CNOT10: variants seen among roughly 807,000 people sequenced by gnomAD.
The protein encoded by CNOT10 is CCR4-NOT transcription complex subunit 10, also known as CCR4-NOT transcription complex, subunit 10.
Under a neutral mutation model 94.6 loss-of-function variants are expected in CNOT10, and 30 were observed. That is an observed-to-expected ratio of 0.32 (90% CI 0.24 to 0.43). The LOEUF is 0.43. Among genes scored for constraint, CNOT10 ranks in the 20% least tolerant of loss-of-function variants. CNOT10 has a pLI of 1.00. For missense variants in CNOT10, 759 were observed against 877.2 expected (o/e 0.87, Z 1.70); for synonymous variants, 289 against 301.6 (o/e 0.96, Z 0.43).
At chr3:32,762,700 C>T in intron 14 of CNOT10, 33 bp from the exon 15 acceptor site, 1 of 1,574,544 alleles carries the variant, frequency 6.4e-7, no homozygotes, top group Non-Finnish European at 8.6e-7. Context: ...TGACGTTGTA[C>T]TTTTCAGTTT....
chr3:32,700,296 T>C (rs1334547510), intron 1 of CNOT10, among the ~76,000 whole-genome samples: 1 of 152,112 alleles, frequency 6.6e-6, no homozygotes, highest in Non-Finnish European at 1.5e-5. Context: ...TATAGAAGCA[T>C]GTTTGGAGTT....
At chr3:32,721,816 T>A (rs1011228173) in intron 8 of CNOT10, among the ~76,000 whole-genome samples, 6 of 150,974 alleles carry the variant, frequency 4.0e-5, no homozygotes, top group African/African-American at 1.5e-4. Flanking sequence ...CCGGCTAATT[T>A]TTTGTATTTT....
chr3:32,735,768 T>C (rs530261859), intron 12 of CNOT10, among the ~76,000 whole-genome samples: 57 of 152,298 alleles, frequency 3.7e-4, no homozygotes, highest in African/African-American at 1.3e-3. Context: ...TTATTTCTTA[T>C]TATCCTCTGT....
chr3:32,689,250 G>A (rs1354521546), intron 1 of CNOT10, among the ~76,000 whole-genome samples: 2 of 151,948 alleles, frequency 1.3e-5, no homozygotes, highest in Non-Finnish European at 2.9e-5. Context: ...CTACTCGGGA[G>A]GCTGAAGCAA....
chr3:32,757,339 C>G (rs898697990), intron 13 of CNOT10, among the ~76,000 whole-genome samples: 2 of 151,724 alleles, frequency 1.3e-5, no homozygotes, highest in Non-Finnish European at 2.9e-5. Context: ...GCCACCACAC[C>G]CAGCCAATTT....
At chr3:32,690,934 C>A (rs1434523378) in intron 1 of CNOT10, among the ~76,000 whole-genome samples, 1 of 151,832 alleles carries the variant, frequency 6.6e-6, no homozygotes, top group African/African-American at 2.4e-5. Context: ...ATATATCTAC[C>A]CCCTAGTTCA....
intron 10 of CNOT10, 85 bp downstream of exon 10, chr3:32,727,955 G>A: frequency 7.6e-5 from 66 of 866,030 alleles, no homozygotes; most frequent in Non-Finnish European, 1.1e-4. Context: ...AAAAACCTTG[G>A]AAACATACAT....
intron 13 of CNOT10, among the ~76,000 whole-genome samples, chr3:32,738,124 A>C (rs189492424): frequency 1.3e-5 from 2 of 152,270 alleles, no homozygotes; most frequent in Non-Finnish European, 2.9e-5. Flanking sequence ...GAGTCTGTGT[A>C]AGATAGGTAT....
At chr3:32,691,454 G>T (rs950734554) in intron 1 of CNOT10, among the ~76,000 whole-genome samples, 1 of 151,910 alleles carries the variant, frequency 6.6e-6, no homozygotes, top group Non-Finnish European at 1.5e-5. Context: ...GAGCCACTGT[G>T]CCTGGCCATG....
intron 10 of CNOT10, among the ~76,000 whole-genome samples, chr3:32,732,434 G>A (rs902197131): frequency 6.6e-6 from 1 of 151,610 alleles, no homozygotes; most frequent in Non-Finnish European, 1.5e-5. Flanking sequence ...AGAAAAATTA[G>A]CCAGTCATGG....
chr3:32,685,546 T>A, intron 1 of CNOT10, 64 bp downstream of exon 1: 1 of 1,535,602 alleles, frequency 6.5e-7, no homozygotes, highest in East Asian at 2.5e-5. Flanking sequence ...GACCCTGAAC[T>A]CGGAGGCGGC....
Position 32,764,327 on chromosome 3 carries a change from G to C in CNOT10, c.1841-128G>C, listed in dbSNP as rs1256384259. The C allele has an allele frequency of 8.3e-5, 73 of 877,324 alleles. 1 individual carries two copies. In the East Asian group the frequency reaches 1.8e-3, roughly 22 times the overall value. 54.3% of individuals were successfully genotyped at this position (877,324 alleles called of 1,614,324 possible). A position where few individuals can be genotyped will look rare whatever the true frequency, so the allele number is the denominator to read the frequency against. On this transcript the variant is annotated intron_variant, in intron 15 of 18. Transcript: ENST00000328834. ...ACTCCAGCCTGGGCAACAGAGCGAGGCTCCATCTCAAAAAAAAAAAAAAGA... is the reference window on the plus strand; with the variant it reads ...ACTCCAGCCTGGGCAACAGAGCGAGCCTCCATCTCAAAAAAAAAAAAAAGA...
intron 9 of CNOT10, 116 bp downstream of exon 9, chr3:32,725,715 C>T: frequency 1.1e-6 from 1 of 908,388 alleles, no homozygotes; most frequent in Non-Finnish European, 1.6e-6. Flanking sequence ...TAACTCTGAT[C>T]TTACCCAACA....
chr3:32,702,097 C>CTT (rs71630535), intron 1 of CNOT10, among the ~76,000 whole-genome samples: 3,098 of 138,136 alleles, frequency 0.022, 72 homozygotes, highest in Middle Eastern at 0.083. Flanking sequence ...CACACCTGGC[C>CTT]TTTTTTTTTT....
chr3:32,711,199 A>T (rs2125529957), intron 4 of CNOT10, among the ~76,000 whole-genome samples: 1 of 152,292 alleles, frequency 6.6e-6, no homozygotes, highest in Middle Eastern at 3.4e-3. Flanking sequence ...ATCCCTTGGT[A>T]TTCAAGGGAG....
intron 7 of CNOT10, among the ~76,000 whole-genome samples, 188 bp from the exon 8 acceptor site, chr3:32,719,926 T>C (rs1263474181): frequency 6.6e-6 from 1 of 152,216 alleles, no homozygotes; most frequent in African/African-American, 2.4e-5. Flanking sequence ...TTTTACAAAG[T>C]GCTCTCTGAC....
intron 10 of CNOT10, 75 bp downstream of exon 10, chr3:32,727,945 A>AC (rs1698755849): frequency 1.3e-4 from 133 of 1,054,006 alleles, no homozygotes; most frequent in East Asian, 4.0e-4. Context: ...AAAAAAAAAA[A>AC]AAAACCTTGG....
At chr3:32,771,110 A>AGAGTTCAG (rs1397222466) in intron 18 of CNOT10, among the ~76,000 whole-genome samples, 10 of 149,648 alleles carry the variant, frequency 6.7e-5, no homozygotes. Context: ...GCTGATCACC[A>AGAGTTCAG]GAGTTCAGGA....
At chr3:32,739,731 C>G (rs1699370748) in intron 13 of CNOT10, among the ~76,000 whole-genome samples, 1 of 152,084 alleles carries the variant, frequency 6.6e-6, no homozygotes, top group Non-Finnish European at 1.5e-5. Flanking sequence ...TCGAGATCAG[C>G]CTAGCCAACA....
Sources: allele counts gnomAD v4.1 joint callset (sites outside exome capture counted in the v4.1 genomes callset), GRCh38; gene constraint gnomAD v4.1.1; transcripts MANE v1.5; gene names NCBI Gene and HGNC (gene_info 2026-07-23, HGNC 2026-07-21).